SLC4A8: variants seen among roughly 807,000 people sequenced by gnomAD.
SLC4A8 encodes electroneutral sodium bicarbonate exchanger 1.
A neutral mutation model predicts 125.0 loss-of-function variants in SLC4A8; 40 were observed. The observed-to-expected ratio is 0.32, with a 90% CI of 0.25 to 0.42. The LOEUF is 0.42. Ranked by LOEUF, SLC4A8 falls within the 10% of genes least tolerant of loss-of-function variation. The pLI, the probability that SLC4A8 is intolerant of heterozygous loss-of-function variation, is 1.00. For synonymous variants in SLC4A8, 456 were observed against 476.0 expected, an observed-to-expected ratio of 0.96 and a Z score of 0.55; for missense variants, 863 against 1,355.1, an observed-to-expected ratio of 0.64 and a Z score of 5.70.
At chr12:51,497,992 A>C (rs1937645056) in intron 22 of SLC4A8, 1 of 152,072 alleles carries the variant, frequency 6.6e-6, no homozygotes, top group East Asian at 1.9e-4. Flanking sequence ...TTGAGGCTGC[A>C]GTGAGCTGTG....
At chr12:51,402,590 C>T (rs1346731605) in intron 1 of SLC4A8, among the ~76,000 whole-genome samples, 11 of 152,132 alleles carry the variant, frequency 7.2e-5, no homozygotes, top group African/African-American at 2.4e-4. Context: ...GGTGTAGTGG[C>T]GTGTACCTGT....
intron 6 of SLC4A8, among the ~76,000 whole-genome samples, chr12:51,458,308 A>G (rs1950219523): frequency 6.6e-6 from 1 of 152,220 alleles, no homozygotes; most frequent in African/African-American, 2.4e-5. Context: ...TACTGCCTTA[A>G]TAGAGAAATA....
intron 1 of SLC4A8, among the ~76,000 whole-genome samples, chr12:51,418,653 G>C (rs1948730239): frequency 6.6e-6 from 1 of 152,056 alleles, no homozygotes; most frequent in South Asian, 2.1e-4. Context: ...TTTCAATTTG[G>C]TAAAATGTTA....
rs1319086308 is a variant in SLC4A8, at chr12:51,452,116, T to C, written c.278-8T>C. 1 of 1,614,062 alleles carries C rather than the reference T, an allele frequency of 6.2e-7. No individual in the cohort carries two copies. The highest frequency in any genetic ancestry group is 8.5e-7 in the Non-Finnish European group (1 of 1,180,010). On this transcript the variant is annotated splice_polypyrimidine_tract_variant and splice_region_variant and intron_variant, in intron 3 of 24. Transcript: ENST00000453097. ...AGAGCAGACCTTTCTCTTTGGTTGA[T>C]TTCCTAGACACACCATCTCAGCGTG...
chr12:51,436,625 A>G (rs2138101345), intron 1 of SLC4A8, among the ~76,000 whole-genome samples: 1 of 151,848 alleles, frequency 6.6e-6, no homozygotes, highest in Admixed American at 6.6e-5. Context: ...TTATTTATTT[A>G]GTTAGTTAGT....
rs201765215 is a variant in SLC4A8, at chr12:51,511,285, G to A, written c.*3847G>A. On this transcript the variant is annotated 3_prime_UTR_variant, in exon 25 of 25. Transcript: ENST00000453097. The stretch of plus-strand genomic sequence containing the variant: ...CATCTGGATGGCAAATTGCCTTCAC[G>A]TAGGGAAACCACATGGGACTGATAG... 9 of 152,336 alleles carry A rather than the reference G, an allele frequency of 5.9e-5. No individual in the cohort carries two copies. In the East Asian group the frequency reaches 1.5e-3, roughly 26 times the overall value. 9.4% of individuals were successfully genotyped at this position (152,336 alleles called of 1,614,324 possible).
chr12:51,414,371 C>T (rs11169831), intron 1 of SLC4A8, among the ~76,000 whole-genome samples: 253 of 152,104 alleles, frequency 1.7e-3, no homozygotes, highest in African/African-American at 5.4e-3. Context: ...CTGCAAAGAG[C>T]GAAAGTTTGA....
intron 1 of SLC4A8, among the ~76,000 whole-genome samples, chr12:51,412,588 C>T (rs7964550): frequency 0.41 from 61,724 of 151,968 alleles, 12,910 homozygotes; most frequent in Non-Finnish European, 0.45. Flanking sequence ...CCACCTGCCC[C>T]TGCTCTTCCT....
chr12:51,438,479 A>G (rs1949490728), intron 1 of SLC4A8, among the ~76,000 whole-genome samples: 1 of 152,216 alleles, frequency 6.6e-6, no homozygotes, highest in Non-Finnish European at 1.5e-5. Flanking sequence ...TTATGGCTGA[A>G]TAGTATTCTG....
At chr12:51,445,318 A>C (rs1949739409) in intron 2 of SLC4A8, among the ~76,000 whole-genome samples, 1 of 152,018 alleles carries the variant, frequency 6.6e-6, no homozygotes, top group Non-Finnish European at 1.5e-5. Context: ...ACAGGCATGC[A>C]CCACCATGCC....
intron 1 of SLC4A8, among the ~76,000 whole-genome samples, chr12:51,392,581 A>AG (rs982944805): frequency 2.0e-5 from 3 of 150,822 alleles, no homozygotes; most frequent in African/African-American, 7.3e-5. Flanking sequence ...CAAAAAAAAA[A>AG]AAAAAGAAAA....
chr12:51,475,997 C>T (rs1950842756), intron 16 of SLC4A8, among the ~76,000 whole-genome samples: 1 of 152,208 alleles, frequency 6.6e-6, no homozygotes, highest in African/African-American at 2.4e-5. Flanking sequence ...GGGTGATCTA[C>T]AGTGACCACA....
chr12:51,456,589 T>C (rs1331074037), intron 5 of SLC4A8, among the ~76,000 whole-genome samples: 1 of 152,186 alleles, frequency 6.6e-6, no homozygotes, highest in Non-Finnish European at 1.5e-5. Context: ...TAACAGATAA[T>C]ATGAGCTCCA....
chr12:51,406,365 G>A (rs1456110744), intron 1 of SLC4A8, among the ~76,000 whole-genome samples: 2 of 152,322 alleles, frequency 1.3e-5, no homozygotes, highest in East Asian at 1.9e-4. Context: ...TTATTGATGT[G>A]GGGTAGAGTG....
intron 16 of SLC4A8, among the ~76,000 whole-genome samples, chr12:51,482,402 CAG>C (rs933405167): frequency 5.3e-5 from 8 of 151,836 alleles, no homozygotes; most frequent in African/African-American, 1.9e-4. Context: ...TTTTTTGAGA[CAG>C]AGTCTCACTC....
chr12:51,507,074 T>C (rs1160596315), intron 24 of SLC4A8, among the ~76,000 whole-genome samples: 1 of 152,148 alleles, frequency 6.6e-6, no homozygotes, highest in Admixed American at 6.5e-5. Flanking sequence ...ATGGAGATAA[T>C]AATAACTAAC....
At chr12:51,476,359 T>C (rs1950855681) in intron 16 of SLC4A8, among the ~76,000 whole-genome samples, 1 of 152,098 alleles carries the variant, frequency 6.6e-6, no homozygotes, top group Non-Finnish European at 1.5e-5. Context: ...CACATGCCTG[T>C]AATCCCAGCT....
chr12:51,467,831 C>G (rs1454555920), intron 11 of SLC4A8, among the ~76,000 whole-genome samples: 1 of 152,042 alleles, frequency 6.6e-6, no homozygotes, highest in Non-Finnish European at 1.5e-5. Flanking sequence ...ATACATTTTA[C>G]CTGTAAATAC....
At position 51,489,855 on chromosome 12, in the gene SLC4A8, A is replaced by G. The variant is rs1363938266; in HGVS notation, c.2604A>G (p.Glu868=). The G allele has an allele frequency of 1.2e-6, 2 of 1,614,214 alleles. No homozygotes were observed. Among genetic ancestry groups the G allele is most frequent in the Non-Finnish European group, 1.7e-6 (2 of 1,180,032 alleles). The change falls in exon 19 of 25, where the codon GAA becomes GAG. Residue 868 remains glutamate, a synonymous_variant. Transcript: ENST00000453097. ...AATCTGAATGCTCTGCTCCTGGAGA[A>G]CAGCCCAAGTTCCTGGGCATCCGAG... ...KLESECSAPG[E]QPKFLGIREQ... is the part of the protein sequence containing the mutation.
Sources: allele counts gnomAD v4.1 joint callset (sites outside exome capture counted in the v4.1 genomes callset), GRCh38; gene constraint gnomAD v4.1.1; transcripts MANE v1.5; gene names NCBI Gene and HGNC (gene_info 2026-07-23, HGNC 2026-07-21).